The following MSRA variants were observed in gnomAD, a reference collection of about 807,000 sequenced individuals.
MSRA encodes mitochondrial peptide methionine sulfoxide reductase.
In MSRA, 54 loss-of-function variants were observed where a neutral mutation model predicts 31.3. The ratio of observed to expected loss-of-function variants is 1.73; its 90% CI spans 1.39 to 2.17. MSRA has a LOEUF of 2.17. MSRA is among the 30% of genes most tolerant of loss of function. The pLI, the probability that MSRA is intolerant of heterozygous loss-of-function variation, is 0.00. For missense variants in MSRA, 507 were observed against 300.9 expected (o/e 1.69, Z -5.07); for synonymous variants, 169 against 116.5 (o/e 1.45, Z -2.90).
At chr8:10,347,855 C>T (rs898368408) in intron 5 of MSRA, among the ~76,000 whole-genome samples, 3 of 152,180 alleles carry the variant, frequency 2.0e-5, no homozygotes, top group Non-Finnish European at 2.9e-5. Context: ...ACCACCTCCG[C>T]AGCTTAAACA....
At chr8:10,061,746 A>G (rs1031246832) in intron 1 of MSRA, among the ~76,000 whole-genome samples, 4 of 152,188 alleles carry the variant, frequency 2.6e-5, no homozygotes, top group Non-Finnish European at 4.4e-5. Context: ...CCCATTGTCC[A>G]TGGGGCATGT....
At chr8:10,122,058 T>C (rs1291261527) in intron 1 of MSRA, among the ~76,000 whole-genome samples, 2 of 152,118 alleles carry the variant, frequency 1.3e-5, no homozygotes, top group Non-Finnish European at 2.9e-5. Flanking sequence ...ACAGCGGTCC[T>C]GTAACTCTTC....
chr8:10,123,570 A>G (rs1258732150), intron 1 of MSRA, among the ~76,000 whole-genome samples: 3 of 152,112 alleles, frequency 2.0e-5, no homozygotes, highest in Admixed American at 2.0e-4. Context: ...TGCTTTTGGC[A>G]TCTTCATTAT....
intron 1 of MSRA, among the ~76,000 whole-genome samples, chr8:10,105,983 C>T (rs1229483956): frequency 6.6e-6 from 1 of 152,164 alleles, no homozygotes; most frequent in African/African-American, 2.4e-5. Flanking sequence ...TATGAAATTG[C>T]TTTAGTAATT....
intron 5 of MSRA, among the ~76,000 whole-genome samples, chr8:10,338,124 C>T (rs924513684): frequency 1.3e-5 from 2 of 152,218 alleles, no homozygotes; most frequent in Non-Finnish European, 2.9e-5. Flanking sequence ...AACTGTGAAC[C>T]ACTGTATGCA....
intron 5 of MSRA, among the ~76,000 whole-genome samples, chr8:10,394,314 C>T (rs534571078): frequency 1.3e-5 from 2 of 152,294 alleles, no homozygotes; most frequent in South Asian, 4.1e-4. Context: ...TACACTGTAG[C>T]AGTGTACCAG....
intron 5 of MSRA, among the ~76,000 whole-genome samples, chr8:10,425,263 C>G (rs1290078442): frequency 2.6e-5 from 4 of 152,204 alleles, no homozygotes; most frequent in Non-Finnish European, 5.9e-5. Flanking sequence ...CCATGAGGTC[C>G]CAGGCCCAGG....
chr8:10,110,666 G>A (rs549538376), intron 1 of MSRA, among the ~76,000 whole-genome samples: 1 of 152,188 alleles, frequency 6.6e-6, no homozygotes, highest in African/African-American at 2.4e-5. Context: ...TGTGTCAAAT[G>A]TCTTGATTTT....
intron 1 of MSRA, among the ~76,000 whole-genome samples, chr8:10,202,529 A>G (rs1485423127): frequency 6.6e-6 from 1 of 152,238 alleles, no homozygotes; most frequent in Non-Finnish European, 1.5e-5. Flanking sequence ...TTCATCACAC[A>G]TGATGCCTCT....
At chr8:10,239,211 G>T (rs372719158) in intron 2 of MSRA, among the ~76,000 whole-genome samples, 84 of 152,126 alleles carry the variant, frequency 5.5e-4, no homozygotes, top group African/African-American at 2.0e-3. Flanking sequence ...TGCCAGGCTG[G>T]AGTGCAGTGG....
chr8:10,233,229 CCTT>C (rs1244032812), intron 2 of MSRA, among the ~76,000 whole-genome samples: 2 of 152,228 alleles, frequency 1.3e-5, no homozygotes, highest in African/African-American at 4.8e-5. Flanking sequence ...ACTCTAATCA[CCTT>C]CGTGTAGGTA....
At chr8:10,071,438 G>T (rs1006381244) in intron 1 of MSRA, among the ~76,000 whole-genome samples, 1 of 147,762 alleles carries the variant, frequency 6.8e-6, no homozygotes, top group African/African-American at 2.5e-5. Context: ...CTTCTAGGCT[G>T]TAGCTTGCCT....
At chr8:10,168,363 G>C (rs2049396469) in intron 1 of MSRA, among the ~76,000 whole-genome samples, 2 of 152,068 alleles carry the variant, frequency 1.3e-5, no homozygotes, top group East Asian at 3.9e-4. Flanking sequence ...CCACGTCGCT[G>C]GTGTGCTATC....
chr8:10,234,289 A>C (rs1351187948), intron 2 of MSRA, among the ~76,000 whole-genome samples: 1 of 152,196 alleles, frequency 6.6e-6, no homozygotes, highest in East Asian at 1.9e-4. Flanking sequence ...GTGTTAGAAG[A>C]AAATAAAAAA....
chr8:10,163,294 C>T (rs1804826730), intron 1 of MSRA, among the ~76,000 whole-genome samples: 1 of 152,196 alleles, frequency 6.6e-6, no homozygotes, highest in Non-Finnish European at 1.5e-5. Flanking sequence ...GGATTTGAAG[C>T]AGGTGTGCTG....
At chr8:10,180,187 T>C (rs1806416900) in intron 1 of MSRA, among the ~76,000 whole-genome samples, 1 of 152,152 alleles carries the variant, frequency 6.6e-6, no homozygotes, top group South Asian at 2.1e-4. Flanking sequence ...AACCCCCTCC[T>C]TAGGTTTGAT....
At chr8:10,371,136 T>G (rs540547727) in intron 5 of MSRA, among the ~76,000 whole-genome samples, 1 of 152,298 alleles carries the variant, frequency 6.6e-6, no homozygotes, top group East Asian at 1.9e-4. Flanking sequence ...GATAGATGAT[T>G]AGGGAAAAGC....
At chr8:10,421,093 G>A (rs1324332981) in intron 5 of MSRA, among the ~76,000 whole-genome samples, 1 of 152,154 alleles carries the variant, frequency 6.6e-6, no homozygotes, top group African/African-American at 2.4e-5. Flanking sequence ...GGGAGAGTCT[G>A]ACTCACATAC....
chr8:10,337,813 T>C (rs1318276921), intron 5 of MSRA: 2 of 702,544 alleles, frequency 2.8e-6, no homozygotes. Context: ...ATTAAAGCAA[T>C]ATTATTAGTA....
Sources: allele counts gnomAD v4.1 joint callset (sites outside exome capture counted in the v4.1 genomes callset), GRCh38; gene constraint gnomAD v4.1.1; transcripts MANE v1.5; gene names NCBI Gene and HGNC (gene_info 2026-07-23, HGNC 2026-07-21).